The following SKP1 variants were observed in gnomAD, a reference collection of about 807,000 sequenced individuals.
The protein encoded by SKP1 is S-phase kinase-associated protein 1.
Under a neutral mutation model 21.5 loss-of-function variants are expected in SKP1, and 1 was observed. The ratio of observed to expected loss-of-function variants is 0.05; its 90% CI spans 0.02 to 0.22. SKP1 has a LOEUF of 0.22. SKP1 is among the 10% of genes least tolerant of loss of function. The pLI, the probability that SKP1 is intolerant of heterozygous loss-of-function variation, is 1.00. For synonymous variants in SKP1, 59 were observed against 59.3 expected, an observed-to-expected ratio of 0.99 and a Z score of 0.03; for missense variants, 70 against 192.0, an observed-to-expected ratio of 0.36 and a Z score of 3.76.
intron 2 of SKP1, among the ~76,000 whole-genome samples, chr5:134,167,543 G>A (rs977699137): frequency 6.7e-6 from 1 of 149,344 alleles, no homozygotes; most frequent in African/African-American, 2.5e-5. Flanking sequence ...TTTTTTTTGA[G>A]ACAGATTCTT....
intron 1 of SKP1, among the ~76,000 whole-genome samples, chr5:134,176,341 G>A (rs1052049238): frequency 6.6e-6 from 1 of 152,156 alleles, no homozygotes; most frequent in African/African-American, 2.4e-5. Flanking sequence ...ACACGGTGGA[G>A]AAAGGATGGG....
At chr5:134,160,769 C>A (rs1761206018) in intron 4 of SKP1, among the ~76,000 whole-genome samples, 1 of 152,192 alleles carries the variant, frequency 6.6e-6, no homozygotes, top group South Asian at 2.1e-4. Context: ...TTACAGACAG[C>A]ACAGCTAAGC....
At chr5:134,166,580 CAAAAAAAAAAA>C (rs36106913) in intron 3 of SKP1, among the ~76,000 whole-genome samples, 28 of 52,534 alleles carry the variant, frequency 5.3e-4, no homozygotes, top group South Asian at 4.6e-3. Flanking sequence ...ACTCTGGTCT[CAAAAAAAAAAA>C]AAAAAAAAAA....
At position 134,150,491 on chromosome 5, in the gene SKP1, G is replaced by A. The variant is rs1761028284; in HGVS notation, c.*7242C>T. ...GAAGGGGTAAGGGTAACAAGGCCATGTTAAACTACCTCTTAGGCCTATATG... is the reference window on the plus strand; with the variant it reads ...GAAGGGGTAAGGGTAACAAGGCCATATTAAACTACCTCTTAGGCCTATATG... On this transcript the variant is annotated 3_prime_UTR_variant, in exon 6 of 6. Transcript: ENST00000353411. 1 of 152,250 alleles carries A rather than the reference G, an allele frequency of 6.6e-6. No individual in the cohort carries two copies. Among genetic ancestry groups the A allele is most frequent in the East Asian group, 1.9e-4 (1 of 5,200 alleles). The allele number at this position is 152,250 out of a possible 1,614,324, so 9.4% of individuals were successfully genotyped here.
chr5:134,172,808 C>T (rs973120017), intron 2 of SKP1, among the ~76,000 whole-genome samples: 5 of 151,744 alleles, frequency 3.3e-5, no homozygotes, highest in African/African-American at 7.3e-5. Context: ...GTCAGAAGAT[C>T]GAGACCAGCC....
chr5:134,173,841 C>A (rs929915086), intron 2 of SKP1, 85 bp downstream of exon 2: 2 of 812,868 alleles, frequency 2.5e-6, no homozygotes, highest in Non-Finnish European at 2.2e-6. Flanking sequence ...CACCTTATGA[C>A]AGGCTGCTGC....
chr5:134,166,615 G>GA lies in SKP1; in HGVS notation c.171+554dup, dbSNP rs1761338400. On this transcript the variant is annotated intron_variant, in intron 3 of 5. Coordinates refer to ENST00000353411, the MANE Select transcript of SKP1 (RefSeq NM_170679.3). ...AAAAAAAAAAAAAAAAAGAATGTGG[G>GA]AAAAAAATATACTTACTTGTTAATA... Among the ~76,000 whole-genome samples, 4 of 149,064 alleles carry GA rather than the reference G, an allele frequency of 2.7e-5. No homozygotes were observed. In the East Asian group the frequency reaches 7.8e-4, roughly 29 times the overall value.
At position 134,156,082 on chromosome 5, in the gene SKP1, C is replaced by T. The variant is rs1761116126; in HGVS notation, c.*1651G>A. On this transcript the variant is annotated 3_prime_UTR_variant, in exon 6 of 6. Transcript: ENST00000353411. ...AAATGTTGAGATTACAGGCATAAGC[C>T]ACCATGCCCAGCTGCTAAGGATACT... 6.6e-6 allele frequency: 1 copy of T among 151,946 alleles called. No homozygotes were observed. Among genetic ancestry groups the T allele is most frequent in the Non-Finnish European group, 1.5e-5 (1 of 68,036 alleles). The allele number at this position is 151,946 out of a possible 1,614,324, so 9.4% of individuals were successfully genotyped here.
intron 2 of SKP1, among the ~76,000 whole-genome samples, chr5:134,171,813 G>C (rs1761445097): frequency 6.6e-6 from 1 of 152,234 alleles, no homozygotes; most frequent in African/African-American, 2.4e-5. Flanking sequence ...GGGAGGCTGA[G>C]GTGGGCGGAT....
intron 4 of SKP1, among the ~76,000 whole-genome samples, chr5:134,160,361 A>AAT (rs747889801): frequency 1.3e-3 from 202 of 150,924 alleles, no homozygotes; most frequent in Middle Eastern, 7.0e-3. Context: ...CTGTCTCAAA[A>AAT]ATATATATAT....
intron 1 of SKP1, 32 bp from the exon 2 acceptor site, chr5:134,174,054 A>G (rs748756251): frequency 8.4e-6 from 11 of 1,313,970 alleles, no homozygotes; most frequent in African/African-American, 1.4e-5. Context: ...TATAAAATTT[A>G]AGAGAGAGAG....
rs1323584795 is a variant in SKP1 at position 134,158,001 on chromosome 5, A to G, written c.457-233T>C. On this transcript the variant is annotated intron_variant, in intron 5 of 5. Transcript: ENST00000353411. ...AAGCAAAGGCAATGGGCAATTTACT[A>G]AAGTTGACAGAGCAAATTCAGTTAA... 17 of 1,502,478 alleles carry G rather than the reference A, an allele frequency of 1.1e-5. 1 individual carries two copies. Among genetic ancestry groups the G allele is most frequent in the Non-Finnish European group, 1.4e-5 (16 of 1,125,596 alleles). 93.1% of individuals were successfully genotyped at this position (1,502,478 alleles called of 1,614,324 possible). A position where few individuals can be genotyped will look rare whatever the true frequency, so the allele number is the denominator to read the frequency against.
chr5:134,176,949 G>A lies in SKP1; in HGVS notation c.-95C>T, dbSNP rs959315608. On this transcript the variant is annotated 5_prime_UTR_variant, in exon 1 of 6. Transcript: ENST00000353411. ...AAAAACCGAAGACGAAGCCACTACA[G>A]CGTCGCAGCGCGGCGCGGCGTCTGC... 1.3e-5 allele frequency: 2 copies of A among 152,400 alleles called. No homozygotes were observed. Among genetic ancestry groups the A allele is most frequent in the Admixed American group, 6.5e-5 (1 of 15,296 alleles). 9.4% of individuals were successfully genotyped at this position (152,400 alleles called of 1,614,324 possible).
intron 5 of SKP1, 138 bp from the exon 6 acceptor site, chr5:134,157,906 A>G: frequency 1.9e-6 from 3 of 1,576,160 alleles, no homozygotes; most frequent in African/African-American, 2.7e-5. Flanking sequence ...CACCAGGTTA[A>G]GACTATATTT....
At position 134,156,794 on chromosome 5, in the gene SKP1, C is replaced by A. The variant is rs1580923567; in HGVS notation, c.*939G>T. On this transcript the variant is annotated 3_prime_UTR_variant, in exon 6 of 6. Transcript: ENST00000353411. Reference sequence around the variant, plus strand: ...AGCTAGGATATAAACTAAGTCTTTTCAAGCTGAACAAATATATACACATTC... The same window carrying A: ...AGCTAGGATATAAACTAAGTCTTTTAAAGCTGAACAAATATATACACATTC... 6.6e-6 allele frequency: 1 copy of A among 152,578 alleles called. No homozygotes were observed. Among genetic ancestry groups the A allele is most frequent in the African/African-American group, 2.4e-5 (1 of 41,450 alleles). 9.5% of individuals were successfully genotyped at this position (152,578 alleles called of 1,614,324 possible).
chr5:134,172,694 G>A (rs1761465725), intron 2 of SKP1, among the ~76,000 whole-genome samples: 1 of 151,986 alleles, frequency 6.6e-6, no homozygotes, highest in Non-Finnish European at 1.5e-5. Flanking sequence ...AACAACCAGG[G>A]TAACATAGGG....
chr5:134,161,447 G>A, intron 3 of SKP1: 1 of 201,236 alleles, frequency 5.0e-6, no homozygotes, highest in Non-Finnish European at 9.9e-6. Context: ...TTAGCTGAGA[G>A]AATATAAAAT....
chr5:134,167,408 T>C (rs192372307), intron 2 of SKP1, among the ~76,000 whole-genome samples, 165 bp from the exon 3 acceptor site: 1 of 152,344 alleles, frequency 6.6e-6, no homozygotes, highest in African/African-American at 2.4e-5. Context: ...AATGGATGGC[T>C]GTGTCTTGCA....
intron 5 of SKP1, chr5:134,158,113 A>G (rs909651545): frequency 5.7e-6 from 8 of 1,401,878 alleles, no homozygotes; most frequent in South Asian, 1.4e-5. Context: ...AAGTTGCTCT[A>G]AAGTACCCTA....
Sources: gnomAD v4.1 joint callset for allele counts (sites outside exome capture counted in the v4.1 genomes callset) on GRCh38, gnomAD v4.1.1 for gene constraint, MANE v1.5 for transcripts, NCBI Gene and HGNC (gene_info 2026-07-23, HGNC 2026-07-21) for gene names.